The following IL1RAPL1 variants were observed in gnomAD, a reference collection of about 807,000 sequenced individuals.
IL1RAPL1 encodes interleukin 1 receptor accessory protein like 1.
IL1RAPL1 carries 3 observed loss-of-function variants against 48.4 expected under a neutral mutation model. The observed-to-expected ratio is 0.06, with a 90% CI of 0.03 to 0.16. IL1RAPL1 has a LOEUF of 0.16. Among genes scored for constraint, IL1RAPL1 ranks in the 10% least tolerant of loss-of-function variants. The pLI, the probability that IL1RAPL1 is intolerant of heterozygous loss-of-function variation, is 1.00. For synonymous variants in IL1RAPL1, 185 were observed against 187.7 expected (o/e 0.99, Z 0.12); for missense variants, 349 against 530.6 (o/e 0.66, Z 3.36).
intron 2 of IL1RAPL1, among the ~76,000 whole-genome samples, chrX:29,113,259 T>C (rs904581857): frequency 8.9e-6 from 1 of 112,254 alleles, no homozygotes; most frequent in Non-Finnish European, 1.9e-5. Context: ...CTCAGAAGCA[T>C]CTCTATCTAC....
At chrX:29,592,532 A>C (rs1465295169) in intron 5 of IL1RAPL1, among the ~76,000 whole-genome samples, 1 of 111,263 alleles carries the variant, frequency 9.0e-6, no homozygotes, top group Non-Finnish European at 1.9e-5. Context: ...ATAGTAAATG[A>C]AGTCAACATG....
chrX:29,334,685 G>A (rs1677061696), intron 3 of IL1RAPL1, among the ~76,000 whole-genome samples: 1 of 112,318 alleles, frequency 8.9e-6, no homozygotes, highest in African/African-American at 3.2e-5. Flanking sequence ...ACAGGGCGGC[G>A]GGGCAGAGGT....
chrX:29,099,558 A>G (rs28585466), intron 2 of IL1RAPL1, among the ~76,000 whole-genome samples: 31,114 of 110,978 alleles, frequency 0.28, 4,048 homozygotes, highest in African/African-American at 0.5. Flanking sequence ...AGTGGGCAGA[A>G]CTGAGATTTA....
chrX:28,979,279 T>A (rs1288010197), intron 2 of IL1RAPL1, among the ~76,000 whole-genome samples: 6 of 112,221 alleles, frequency 5.3e-5, no homozygotes, highest in Non-Finnish European at 9.4e-5. Context: ...ATTTTCCTAC[T>A]TTCACAGATA....
At chrX:29,625,804 T>C (rs1184648641) in intron 5 of IL1RAPL1, among the ~76,000 whole-genome samples, 2 of 112,094 alleles carry the variant, frequency 1.8e-5, no homozygotes, top group Non-Finnish European at 3.8e-5. Context: ...GTTATCTCTG[T>C]GATGATCCTT....
chrX:29,311,328 G>A (rs1013837605), intron 3 of IL1RAPL1, among the ~76,000 whole-genome samples: 13 of 111,795 alleles, frequency 1.2e-4, no homozygotes, highest in African/African-American at 3.9e-4. Flanking sequence ...TGGCAGAGTT[G>A]CATTACAATT....
chrX:28,874,116 A>T (rs1465820890), intron 2 of IL1RAPL1, among the ~76,000 whole-genome samples: 1 of 111,533 alleles, frequency 9.0e-6, no homozygotes, highest in Non-Finnish European at 1.9e-5. Flanking sequence ...GACATAGCAG[A>T]TATATTGTGT....
chrX:29,139,030 A>T (rs983116109), intron 2 of IL1RAPL1, among the ~76,000 whole-genome samples: 3 of 111,500 alleles, frequency 2.7e-5, no homozygotes, highest in African/African-American at 9.8e-5. Flanking sequence ...AGTGTAAAGA[A>T]ACTGTGGGAA....
Position 28,902,574 on chromosome X carries a change from C to G in IL1RAPL1, c.82+113149C>G, listed in dbSNP as rs776675720. 5.4e-5 allele frequency among the ~76,000 whole-genome samples: 6 copies of G among 112,063 alleles called. No homozygotes were observed. The East Asian group carries it at 1.7e-3, about 31-fold the overall frequency. On this transcript the variant is annotated intron_variant, in intron 2 of 10. Transcript: ENST00000378993. The stretch of plus-strand genomic sequence containing the variant: ...GGTAAATAAAACTTTCTACTACTGT[C>G]TTTTCTATATCATTTTCAACAAGTA...
intron 5 of IL1RAPL1, among the ~76,000 whole-genome samples, chrX:29,479,107 A>T (rs1304508940): frequency 9.1e-6 from 1 of 109,335 alleles, no homozygotes; most frequent in African/African-American, 3.3e-5. Context: ...CTTTTAAATG[A>T]ACAAAAGAAT....
chrX:29,805,550 A>T (rs1249425619), intron 6 of IL1RAPL1, among the ~76,000 whole-genome samples: 1 of 111,530 alleles, frequency 9.0e-6, no homozygotes, highest in Middle Eastern at 4.6e-3. Flanking sequence ...AACGATCTAT[A>T]TTTAAATTTT....
intron 5 of IL1RAPL1, among the ~76,000 whole-genome samples, chrX:29,435,697 C>T (rs1397164718): frequency 5.4e-5 from 6 of 110,755 alleles, no homozygotes; most frequent in African/African-American, 6.5e-5. Flanking sequence ...CAATGGTTCT[C>T]TATTACATTT....
At chrX:29,175,512 G>C (rs1482495205) in intron 2 of IL1RAPL1, among the ~76,000 whole-genome samples, 1 of 110,821 alleles carries the variant, frequency 9.0e-6, no homozygotes, top group Non-Finnish European at 1.9e-5. Context: ...AGAAAAATGA[G>C]AATTGCGAGG....
intron 5 of IL1RAPL1, among the ~76,000 whole-genome samples, chrX:29,496,037 A>C (rs959679216): frequency 2.7e-5 from 3 of 111,357 alleles, no homozygotes; most frequent in African/African-American, 6.5e-5. Flanking sequence ...CAGTTATATC[A>C]TACTGCAGCT....
At chrX:29,270,981 G>A (rs1303637698) in intron 2 of IL1RAPL1, among the ~76,000 whole-genome samples, 1 of 111,572 alleles carries the variant, frequency 9.0e-6, no homozygotes, top group Non-Finnish European at 1.9e-5. Context: ...CATAGTAGCT[G>A]ATAGGTAGTT....
intron 2 of IL1RAPL1, among the ~76,000 whole-genome samples, chrX:29,230,781 A>G (rs1424183465): frequency 9.0e-6 from 1 of 110,585 alleles, no homozygotes; most frequent in African/African-American, 3.3e-5. Flanking sequence ...TCAACCACCT[A>G]TTTTATTAGT....
chrX:29,415,625 T>C (rs1318824689), intron 5 of IL1RAPL1, among the ~76,000 whole-genome samples: 2 of 111,403 alleles, frequency 1.8e-5, no homozygotes, highest in Non-Finnish European at 3.8e-5. Context: ...TTCACCGTTT[T>C]AGTCAGGACG....
chrX:28,595,994 C>T (rs1323819275), intron 1 of IL1RAPL1, among the ~76,000 whole-genome samples: 3 of 111,015 alleles, frequency 2.7e-5, no homozygotes, highest in East Asian at 5.7e-4. Flanking sequence ...CAGAGCAAGC[C>T]GCTTATGTCA....
At position 29,846,185 on chromosome X, in the gene IL1RAPL1, ACT is replaced by A. The variant is rs1199938559; in HGVS notation, c.779-71276_779-71275del. On this transcript the variant is annotated intron_variant, in intron 6 of 10. Transcript: ENST00000378993. The stretch of plus-strand genomic sequence containing the variant: ...CATGTGTTATTAGTATCGCTGTTAC[ACT>A]CTGATACTCCCACAAGATAACCCTA... Among the ~76,000 whole-genome samples, 5 of 111,398 alleles carry A rather than the reference ACT, an allele frequency of 4.5e-5. No homozygotes were observed. In the Admixed American group the frequency reaches 4.8e-4, roughly 11 times the overall value.
Sources: gnomAD v4.1 joint callset for allele counts (sites outside exome capture counted in the v4.1 genomes callset) on GRCh38, gnomAD v4.1.1 for gene constraint, MANE v1.5 for transcripts, NCBI Gene and HGNC (gene_info 2026-07-23, HGNC 2026-07-21) for gene names.